Variants in TMEM132D observed in about 807,000 individuals in gnomAD.
The protein encoded by TMEM132D is mature OL transmembrane protein.
TMEM132D carries 21 observed loss-of-function variants against 62.3 expected under a neutral mutation model. The ratio of observed to expected loss-of-function variants is 0.34; its 90% CI spans 0.24 to 0.49. The LOEUF (loss-of-function observed/expected upper bound fraction) is 0.49. Ranked by LOEUF, TMEM132D falls within the 20% of genes least tolerant of loss-of-function variation. The probability of loss-of-function intolerance (pLI) is 0.99; values close to 1 mark genes in which losing one functional copy is unlikely to be tolerated. For missense variants in TMEM132D, 1,346 were observed against 1,402.8 expected (o/e 0.96, Z 0.65); for synonymous variants, 621 against 575.6 (o/e 1.08, Z -1.13).
intron 1 of TMEM132D, among the ~76,000 whole-genome samples, chr12:129,743,570 A>C (rs952230179): frequency 2.6e-5 from 4 of 152,206 alleles, no homozygotes; most frequent in African/African-American, 9.6e-5. Context: ...TGCCAGTTTC[A>C]GGTAGGTCTT....
rs1875445639 is a variant in TMEM132D, at chr12:129,903,558, A to G, written c.-219T>C. ...CTCCTGAGTTGCTCTCCGGAGTCCA[A>G]CACGCGCGCAGGCAAACCCCACCTC... is the stretch of plus-strand genomic sequence containing the variant. On this transcript the variant is annotated 5_prime_UTR_variant, in exon 1 of 9. Coordinates refer to ENST00000422113, the MANE Select transcript of TMEM132D (RefSeq NM_133448.3). This position sits in a 1 kb window ranked among gnomAD's most constrained non-coding sequence, Gnocchi z 6.2. The G allele has an allele frequency of 3.5e-6, 2 of 571,126 alleles. 1 individual carries two copies. Among genetic ancestry groups the G allele is most frequent in the South Asian group, 4.4e-5 (2 of 45,160 alleles). The allele number at this position is 571,126 out of a possible 1,614,324, so 35.4% of individuals were successfully genotyped here.
chr12:129,269,791 G>A (rs1880803774), intron 4 of TMEM132D, among the ~76,000 whole-genome samples: 1 of 152,164 alleles, frequency 6.6e-6, no homozygotes, highest in African/African-American at 2.4e-5. Flanking sequence ...GCAGTTGCAT[G>A]AGCTTCCTCA....
intron 2 of TMEM132D, among the ~76,000 whole-genome samples, chr12:129,564,590 C>T (rs1877318559): frequency 6.6e-6 from 1 of 152,154 alleles, no homozygotes; most frequent in Non-Finnish European, 1.5e-5. Flanking sequence ...TGAACACGTC[C>T]CTCGGCCACT....
At chr12:129,572,312 C>T (rs759223929) in intron 2 of TMEM132D, among the ~76,000 whole-genome samples, 2 of 152,234 alleles carry the variant, frequency 1.3e-5, no homozygotes, top group Non-Finnish European at 2.9e-5. Context: ...TTGTGTGGAG[C>T]TGGCGGGCAG....
chr12:129,141,478 T>A (rs1313073483), intron 5 of TMEM132D, among the ~76,000 whole-genome samples: 1 of 152,246 alleles, frequency 6.6e-6, no homozygotes, highest in East Asian at 1.9e-4. Context: ...ACTCAAACTG[T>A]GTAACATGAT....
intron 3 of TMEM132D, among the ~76,000 whole-genome samples, chr12:129,527,429 A>T (rs1180731184): frequency 6.6e-6 from 1 of 152,250 alleles, no homozygotes; most frequent in Non-Finnish European, 1.5e-5. Context: ...AAATTTATCT[A>T]CATACTCTTG....
chr12:129,633,001 A>G (rs1879385608), intron 2 of TMEM132D, among the ~76,000 whole-genome samples: 1 of 152,194 alleles, frequency 6.6e-6, no homozygotes, highest in South Asian at 2.1e-4. Context: ...TTCACTTTAA[A>G]TCCCACATAG....
intron 1 of TMEM132D, among the ~76,000 whole-genome samples, chr12:129,805,229 A>G (rs1204139822): frequency 3.9e-5 from 6 of 152,148 alleles, no homozygotes; most frequent in Admixed American, 6.5e-5. Flanking sequence ...AGCCCGCATC[A>G]CCAAGTCAAT....
chr12:129,473,162 C>T (rs189502921), intron 3 of TMEM132D, among the ~76,000 whole-genome samples: 304 of 152,106 alleles, frequency 2.0e-3, no homozygotes, highest in African/African-American at 7.1e-3. Flanking sequence ...TGCGCCCAGC[C>T]AAGACTTTTA....
chr12:129,157,992 G>T (rs993965789), intron 5 of TMEM132D, among the ~76,000 whole-genome samples: 5 of 152,106 alleles, frequency 3.3e-5, no homozygotes, highest in African/African-American at 9.7e-5. Context: ...GATGAGATGC[G>T]AGATAAAGTA....
At position 129,708,521 on chromosome 12, in the gene TMEM132D, G is replaced by T. The variant is rs564775546; in HGVS notation, c.80-7823C>A. 3.2e-4 allele frequency among the ~76,000 whole-genome samples: 48 copies of T among 149,200 alleles called. 2 individuals are homozygous for T. The South Asian group carries it at 9.6e-3, about 30-fold the overall frequency. On this transcript the variant is annotated intron_variant, in intron 1 of 8. Coordinates refer to ENST00000422113, the MANE Select transcript of TMEM132D (RefSeq NM_133448.3). ...ATCGGTCTCCCTGACCCCTGCCTAG[G>T]TGCCAGCAGCTGCCACCCCCAGCCC... is the stretch of plus-strand genomic sequence containing the variant.
intron 2 of TMEM132D, among the ~76,000 whole-genome samples, chr12:129,591,296 C>T (rs1878183036): frequency 6.6e-6 from 1 of 152,268 alleles, no homozygotes; most frequent in Non-Finnish European, 1.5e-5. Flanking sequence ...CTATGCATCC[C>T]TTGTATCGGA....
At chr12:129,591,251 G>T (rs555430167) in intron 2 of TMEM132D, among the ~76,000 whole-genome samples, 2 of 152,294 alleles carry the variant, frequency 1.3e-5, no homozygotes, top group African/African-American at 4.8e-5. Flanking sequence ...CCAAAGATTC[G>T]TGGGTAACCC....
intron 1 of TMEM132D, among the ~76,000 whole-genome samples, chr12:129,900,882 G>A (rs1875329934): frequency 6.6e-6 from 1 of 152,066 alleles, no homozygotes; most frequent in Non-Finnish European, 1.5e-5. Flanking sequence ...TAGGTCCCAG[G>A]GGCATAGAAA....
At chr12:129,842,802 C>T (rs1203321221) in intron 1 of TMEM132D, among the ~76,000 whole-genome samples, 3 of 152,130 alleles carry the variant, frequency 2.0e-5, no homozygotes, top group Non-Finnish European at 4.4e-5. Flanking sequence ...CCAGCATTGC[C>T]GATCTCCCCT....
At chr12:129,379,908 T>C (rs1870890298) in intron 3 of TMEM132D, among the ~76,000 whole-genome samples, 1 of 152,196 alleles carries the variant, frequency 6.6e-6, no homozygotes, top group South Asian at 2.1e-4. Context: ...TTCAGAAAAG[T>C]TATACTCAAC....
chr12:129,534,199 AG>A (rs1876313670), intron 2 of TMEM132D, among the ~76,000 whole-genome samples: 1 of 91,708 alleles, frequency 1.1e-5, no homozygotes, highest in Non-Finnish European at 2.6e-5. Flanking sequence ...TTACACTGAC[AG>A]CCTCATTACA....
At chr12:129,090,290 GT>G (rs1156231820) in intron 5 of TMEM132D, among the ~76,000 whole-genome samples, 2 of 152,166 alleles carry the variant, frequency 1.3e-5, no homozygotes, top group Non-Finnish European at 2.9e-5. Flanking sequence ...AGGGGCCAGG[GT>G]GTCTTTAATA....
rs1475562680 is a variant in TMEM132D, at chr12:129,084,619, C to T, written c.1527G>A (p.Gln509=). The change falls in exon 6 of 9, where the codon CAG becomes CAA. Residue 509 remains glutamine, a synonymous_variant. Transcript: ENST00000422113. ...TCATCTCCAGGGGGCTGCTCAGGTG[C>T]TGGTAGGTGAAGTTCACCACCACGT... is the stretch of plus-strand genomic sequence containing the variant. ...KVNVVVNFTY[Q]HLSSPLEMTV... The T allele has an allele frequency of 6.2e-7, 1 of 1,614,086 alleles. No homozygotes were observed. Among genetic ancestry groups the T allele is most frequent in the Non-Finnish European group, 8.5e-7 (1 of 1,180,038 alleles).
Sources: allele counts gnomAD v4.1 joint callset (sites outside exome capture counted in the v4.1 genomes callset), GRCh38; gene constraint gnomAD v4.1.1; non-coding constraint Gnocchi (gnomAD v3.1); transcripts MANE v1.5; gene names NCBI Gene and HGNC (gene_info 2026-07-23, HGNC 2026-07-21).